Variants in LCORL observed in about 807,000 individuals in gnomAD.
LCORL encodes the protein ligand dependent nuclear receptor corepressor like, also known as ligand-dependent nuclear receptor corepressor-like protein.
LCORL carries 41 observed loss-of-function variants against 141.8 expected under a neutral mutation model. The ratio of observed to expected loss-of-function variants is 0.29; its 90% CI spans 0.23 to 0.38. The LOEUF is 0.38. Among genes scored for constraint, LCORL ranks in the 10% least tolerant of loss-of-function variants. LCORL has a pLI of 1.00. For synonymous variants in LCORL, 618 were observed against 694.1 expected (o/e 0.89, Z 1.72); for missense variants, 1,759 against 2,035.0 (o/e 0.86, Z 2.61).
intron 4 of LCORL, among the ~76,000 whole-genome samples, chr4:17,929,823 T>A (rs998182986): frequency 3.9e-5 from 6 of 151,954 alleles, no homozygotes; most frequent in African/African-American, 1.5e-4. Context: ...ACAAAGACAG[T>A]CCACACAATG....
exon 7 of LCORL, chr4:17,875,443 G>C: frequency 8.1e-7 from 1 of 1,231,248 alleles, no homozygotes; most frequent in East Asian, 3.2e-5. Flanking sequence ...ATATTTCTGG[G>C]ACTATTATAT....
chr4:17,938,580 C>A (rs1051992783), intron 4 of LCORL, among the ~76,000 whole-genome samples: 3 of 151,436 alleles, frequency 2.0e-5, no homozygotes, highest in African/African-American at 4.8e-5. Flanking sequence ...CCACACCCGG[C>A]TAATTTTGTA....
chr4:17,924,213 TG>T (rs1203405053), intron 4 of LCORL, among the ~76,000 whole-genome samples: 3 of 152,182 alleles, frequency 2.0e-5, no homozygotes, highest in Non-Finnish European at 4.4e-5. Flanking sequence ...TGCTCACCAA[TG>T]GGTGACCTCA....
chr4:17,912,522 AG>A, intron 4 of LCORL: 1 of 487,106 alleles, frequency 2.1e-6, no homozygotes, highest in Non-Finnish European at 4.0e-6. Context: ...CAGCAGATTG[AG>A]GAGAGCACCA....
intron 4 of LCORL, among the ~76,000 whole-genome samples, chr4:17,940,184 A>G (rs898358376): frequency 4.2e-5 from 6 of 143,678 alleles, no homozygotes; most frequent in Non-Finnish European, 7.5e-5. Flanking sequence ...ATATATATAT[A>G]TATACACACA....
chr4:17,912,679 G>A (rs1410621629), intron 4 of LCORL: 1 of 389,610 alleles, frequency 2.6e-6, no homozygotes, highest in Non-Finnish European at 5.0e-6. Flanking sequence ...GGGAGGTGGA[G>A]GCCTGCTATG....
chr4:17,966,981 C>T (rs1213743467), intron 2 of LCORL, among the ~76,000 whole-genome samples: 1 of 152,132 alleles, frequency 6.6e-6, no homozygotes, highest in Non-Finnish European at 1.5e-5. Flanking sequence ...GTGTTTATAG[C>T]AGTCTTATTC....
chr4:17,892,791 T>C lies in LCORL; in HGVS notation c.683-6630A>G, dbSNP rs186235060. 2.7e-3 allele frequency among the ~76,000 whole-genome samples: 407 copies of C among 152,322 alleles called. 3 individuals carry two copies. The highest frequency in any genetic ancestry group is 9.2e-3 in the African/African-American group (381 of 41,590). ...TTCTTTCTTCAGTTATTCCTGCAAG[T>C]ACTGAATTAAATCATGGCTTCAAAA... On this transcript the variant is annotated intron_variant, in intron 5 of 7. Coordinates refer to ENST00000635767, the Ensembl canonical transcript of LCORL.
At chr4:17,874,866 T>A in exon 7 of LCORL, 1 of 1,233,832 alleles carries the variant, frequency 8.1e-7, no homozygotes, top group Non-Finnish European at 1.0e-6. Flanking sequence ...TGAGTGCCTA[T>A]GTTTTTCCTT....
intron 4 of LCORL, among the ~76,000 whole-genome samples, chr4:17,948,506 C>T (rs773103011): frequency 1.3e-5 from 2 of 152,026 alleles, no homozygotes; most frequent in Non-Finnish European, 2.9e-5. Flanking sequence ...CAGTGTTATA[C>T]ATATTACCTC....
intron 2 of LCORL, among the ~76,000 whole-genome samples, chr4:17,963,814 C>A (rs1714335447): frequency 6.6e-6 from 1 of 151,962 alleles, no homozygotes; most frequent in African/African-American, 2.4e-5. Flanking sequence ...AGCAGAAACT[C>A]TCCCCAATTT....
At chr4:17,972,567 A>G (rs1159475778) in intron 2 of LCORL, among the ~76,000 whole-genome samples, 1 of 151,728 alleles carries the variant, frequency 6.6e-6, no homozygotes, top group Non-Finnish European at 1.5e-5. Context: ...TAGAATCAAT[A>G]AAACAACAAA....
chr4:17,910,391 G>T (rs1732333173), intron 4 of LCORL, among the ~76,000 whole-genome samples: 1 of 152,022 alleles, frequency 6.6e-6, no homozygotes, highest in Non-Finnish European at 1.5e-5. Flanking sequence ...TTTTGAGTAG[G>T]GATATACTTT....
chr4:18,017,035 A>T (rs1724747703), intron 1 of LCORL, among the ~76,000 whole-genome samples: 1 of 152,158 alleles, frequency 6.6e-6, no homozygotes, highest in South Asian at 2.1e-4. Context: ...TTGGACAGAT[A>T]AAATACAAAA....
chr4:18,020,428 C>G (rs1029016674), intron 1 of LCORL: 3 of 152,060 alleles, frequency 2.0e-5, no homozygotes, highest in African/African-American at 7.3e-5. Context: ...TCCTTTCTAC[C>G]TCTTCCCCTA....
chr4:17,954,020 A>G (rs1438308805), intron 4 of LCORL, among the ~76,000 whole-genome samples: 1 of 152,036 alleles, frequency 6.6e-6, no homozygotes, highest in Non-Finnish European at 1.5e-5. Flanking sequence ...AAAATTAGCC[A>G]GGTGTGGTGG....
chr4:17,845,983 A>G, intron 7 of LCORL, 82 bp from the exon 8 acceptor site: 1 of 1,196,604 alleles, frequency 8.4e-7, no homozygotes, highest in East Asian at 2.3e-5. Context: ...ATTTAGTTGT[A>G]GTAGTGTTTG....
At chr4:17,981,247 T>C (rs1431979630) in intron 1 of LCORL, among the ~76,000 whole-genome samples, 10 of 152,086 alleles carry the variant, frequency 6.6e-5, no homozygotes, top group Admixed American at 5.9e-4. Context: ...AACCCTAGAG[T>C]ATGAATATTT....
At chr4:17,992,613 A>T (rs1297604444) in intron 1 of LCORL, among the ~76,000 whole-genome samples, 1 of 152,232 alleles carries the variant, frequency 6.6e-6, no homozygotes, top group Non-Finnish European at 1.5e-5. Flanking sequence ...ATTCAATTCT[A>T]CATTATAAAA....
Sources: allele counts gnomAD v4.1 joint callset (sites outside exome capture counted in the v4.1 genomes callset), GRCh38; gene constraint gnomAD v4.1.1; transcripts MANE v1.5; gene names NCBI Gene and HGNC (gene_info 2026-07-23, HGNC 2026-07-21).